Variants in NRG4 observed in about 807,000 individuals in gnomAD.
The protein encoded by NRG4 is neuregulin 4.
Under a neutral mutation model 15.0 loss-of-function variants are expected in NRG4, and 10 were observed. That is an observed-to-expected ratio of 0.67 (90% CI 0.41 to 1.13). NRG4 has a LOEUF of 1.13. Among genes scored for constraint, NRG4 ranks in the 50% most tolerant of loss-of-function variants. The pLI is 0.00. For missense variants in NRG4, 139 were observed against 140.2 expected (o/e 0.99, Z 0.04); for synonymous variants, 41 against 50.1 (o/e 0.82, Z 0.77).
chr15:75,945,765 A>G (rs2031464186), intron 5 of NRG4: 1 of 152,194 alleles, frequency 6.6e-6, no homozygotes, highest in South Asian at 2.1e-4. Flanking sequence ...TACCATTTTA[A>G]CCATTTTTAA....
At chr15:76,048,083 A>G in intron 4 of NRG4, among the ~76,000 whole-genome samples, 1 of 149,946 alleles carries the variant, frequency 6.7e-6, no homozygotes, top group East Asian at 1.9e-4. Flanking sequence ...CCTGGAGCCC[A>G]GGAGTTCAAG....
intron 4 of NRG4, among the ~76,000 whole-genome samples, chr15:76,045,702 C>T (rs978545703): frequency 2.0e-5 from 3 of 150,790 alleles, no homozygotes; most frequent in South Asian, 2.1e-4. Flanking sequence ...CATCTTCTCA[C>T]TTATTTGTGG....
chr15:75,948,635 G>A (rs906059494), intron 5 of NRG4, among the ~76,000 whole-genome samples: 3 of 151,668 alleles, frequency 2.0e-5, no homozygotes, highest in African/African-American at 4.8e-5. Context: ...ATAGGTAAGC[G>A]TCCAACTTCA....
At chr15:75,956,832 G>A (rs1021728055) in intron 4 of NRG4, among the ~76,000 whole-genome samples, 2 of 152,130 alleles carry the variant, frequency 1.3e-5, no homozygotes, top group African/African-American at 4.8e-5. Flanking sequence ...TTTCATTCTT[G>A]AAAGCACATT....
intron 3 of NRG4, among the ~76,000 whole-genome samples, chr15:75,988,178 T>G (rs1196240082): frequency 6.6e-6 from 1 of 152,174 alleles, no homozygotes; most frequent in Non-Finnish European, 1.5e-5. Flanking sequence ...AGAGGTTGAC[T>G]GTTATACAAC....
chr15:76,013,864 T>G (rs967423540), upstream of NRG4, among the ~76,000 whole-genome samples: 5 of 152,258 alleles, frequency 3.3e-5, no homozygotes, highest in Non-Finnish European at 5.9e-5. Flanking sequence ...ACCCAGTAAT[T>G]GGATTGCTGG....
intron 3 of NRG4, among the ~76,000 whole-genome samples, chr15:75,985,960 C>T (rs2033785908): frequency 6.6e-6 from 1 of 152,098 alleles, no homozygotes; most frequent in Admixed American, 6.5e-5. Flanking sequence ...TCTACGATGG[C>T]TACTATAAGA....
chr15:76,053,713 G>A lies in NRG4; in HGVS notation c.-261-730C>T, dbSNP rs769709517. Among the ~76,000 whole-genome samples, 54 of 150,250 alleles carry A rather than the reference G, an allele frequency of 3.6e-4. 2 individuals are homozygous for A. The highest frequency in any genetic ancestry group is 6.1e-4 in the Non-Finnish European group (41 of 67,726). On this transcript the variant is annotated intron_variant, in intron 2 of 8. Coordinates refer to the NRG4 transcript ENST00000563910. ...TGGGACTACCAGCGTATACTACGACGCCCAGCTAAGTTTTGTATTTTTAGT... is the reference window on the plus strand; with the variant it reads ...TGGGACTACCAGCGTATACTACGACACCCAGCTAAGTTTTGTATTTTTAGT...
chr15:75,973,358 T>C lies in NRG4; in HGVS notation c.105-11384A>G, dbSNP rs547796420. On this transcript the variant is annotated intron_variant, in intron 3 of 5. Transcript: ENST00000394907. ...CTCTTCCTATTTGAATACCCTTTAT[T>C]TCTTTCTCTTGCCTGATTGCCCTGG... Among the ~76,000 whole-genome samples the C allele has an allele frequency of 2.6e-5, 4 of 152,322 alleles. No homozygotes were observed. The South Asian group carries it at 8.3e-4, about 32-fold the overall frequency.
intron 5 of NRG4, among the ~76,000 whole-genome samples, chr15:76,033,050 A>G (rs2035511314): frequency 6.6e-6 from 1 of 152,182 alleles, no homozygotes; most frequent in Non-Finnish European, 1.5e-5. Context: ...TGGGAAACCA[A>G]TTTTCAGAAG....
chr15:76,021,805 A>G (rs1393327997), intron 5 of NRG4, among the ~76,000 whole-genome samples: 1 of 152,214 alleles, frequency 6.6e-6, no homozygotes, highest in Non-Finnish European at 1.5e-5. Flanking sequence ...ATTCCAAAGT[A>G]GAAAACCTAT....
chr15:76,044,155 G>A (rs1040727662), intron 4 of NRG4, among the ~76,000 whole-genome samples: 6 of 149,654 alleles, frequency 4.0e-5, no homozygotes, highest in African/African-American at 1.0e-4. Flanking sequence ...CCGCCACCGC[G>A]CCCGGCTAAT....
At chr15:75,968,995 G>A (rs2032967061) in intron 3 of NRG4, 1 of 211,122 alleles carries the variant, frequency 4.7e-6, no homozygotes, top group South Asian at 7.9e-5. Flanking sequence ...GTGTTTCACT[G>A]TCCATGTTTT....
At chr15:75,973,940 T>C (rs192206290) in intron 3 of NRG4, among the ~76,000 whole-genome samples, 3 of 152,284 alleles carry the variant, frequency 2.0e-5, no homozygotes, top group Non-Finnish European at 4.4e-5. Context: ...TCAGAAGGAA[T>C]GGTATCAGGT....
At chr15:76,043,829 A>C (rs1228428008) in intron 4 of NRG4, among the ~76,000 whole-genome samples, 1 of 152,232 alleles carries the variant, frequency 6.6e-6, no homozygotes, top group African/African-American at 2.4e-5. Context: ...AGAATAGCCA[A>C]AGCTATGCTA....
intron 3 of NRG4, among the ~76,000 whole-genome samples, chr15:76,006,484 T>C (rs1242749062): frequency 6.6e-6 from 1 of 152,186 alleles, no homozygotes; most frequent in Non-Finnish European, 1.5e-5. Flanking sequence ...TTTATCCTTT[T>C]TTCTCAGTCG....
intron 3 of NRG4, among the ~76,000 whole-genome samples, chr15:76,004,654 A>G (rs1306777793): frequency 6.6e-6 from 1 of 152,006 alleles, no homozygotes; most frequent in African/African-American, 2.4e-5. Flanking sequence ...TAAACACAAA[A>G]GACAGTAAAA....
At chr15:76,029,304 A>G (rs1432566756) in intron 5 of NRG4, among the ~76,000 whole-genome samples, 2 of 152,202 alleles carry the variant, frequency 1.3e-5, no homozygotes, top group African/African-American at 4.8e-5. Context: ...AAATACCTTA[A>G]CAAAATAAAG....
chr15:75,998,270 T>C (rs887479091), intron 3 of NRG4, among the ~76,000 whole-genome samples: 1 of 152,174 alleles, frequency 6.6e-6, no homozygotes, highest in African/African-American at 2.4e-5. Flanking sequence ...GGAGATACAA[T>C]GTAAAGTAAA....
Sources: allele counts gnomAD v4.1 joint callset (sites outside exome capture counted in the v4.1 genomes callset), GRCh38; gene constraint gnomAD v4.1.1; transcripts MANE v1.5; gene names NCBI Gene and HGNC (gene_info 2026-07-23, HGNC 2026-07-21).